NCAM1: variants seen among roughly 807,000 people sequenced by gnomAD.
NCAM1 encodes neural cell adhesion molecule 1.
In NCAM1, 14 loss-of-function variants were observed where a neutral mutation model predicts 109.8. That is an observed-to-expected ratio of 0.13 (90% CI 0.08 to 0.20). The LOEUF is 0.20. Ranked by LOEUF, NCAM1 falls within the 10% of genes least tolerant of loss-of-function variation. NCAM1 has a pLI of 1.00. For missense variants in NCAM1, 774 were observed against 1,109.9 expected (o/e 0.70, Z 4.30); for synonymous variants, 418 against 442.9 (o/e 0.94, Z 0.70).
chr11:113,061,215 A>G (rs1157907625), intron 1 of NCAM1, among the ~76,000 whole-genome samples: 1 of 152,112 alleles, frequency 6.6e-6, no homozygotes, highest in African/African-American at 2.4e-5. Flanking sequence ...AATATCCTCT[A>G]TATTGTTGCA....
intron 1 of NCAM1, among the ~76,000 whole-genome samples, chr11:113,134,787 A>G (rs995974796): frequency 3.9e-5 from 6 of 152,204 alleles, no homozygotes; most frequent in Admixed American, 6.5e-5. Flanking sequence ...CGTAATGTGT[A>G]TCATTTCATG....
At chr11:113,100,222 T>G (rs556950343) in intron 1 of NCAM1, among the ~76,000 whole-genome samples, 1 of 152,124 alleles carries the variant, frequency 6.6e-6, no homozygotes, top group Non-Finnish European at 1.5e-5. Flanking sequence ...GGGTGTGGCT[T>G]GCTTACAAGG....
chr11:113,262,944 T>C (rs1555123686), intron 17 of NCAM1: 1 of 1,610,508 alleles, frequency 6.2e-7, no homozygotes, highest in Non-Finnish European at 8.5e-7. Flanking sequence ...ACACAAAAAT[T>C]AAATTTGCTT....
chr11:113,140,593 T>C (rs1199071603), intron 1 of NCAM1, among the ~76,000 whole-genome samples: 3 of 152,244 alleles, frequency 2.0e-5, no homozygotes, highest in Non-Finnish European at 4.4e-5. Flanking sequence ...TGTACTTGTA[T>C]ATTGGATTTT....
chr11:113,168,810 G>A (rs577156179), intron 1 of NCAM1, among the ~76,000 whole-genome samples: 27 of 152,226 alleles, frequency 1.8e-4, no homozygotes, highest in Middle Eastern at 3.4e-3. Flanking sequence ...TTTAATCAAT[G>A]GGAAATGTTT....
At chr11:113,255,588 G>A (rs954313756) in intron 15 of NCAM1, among the ~76,000 whole-genome samples, 1 of 105,898 alleles carries the variant, frequency 9.4e-6, no homozygotes, top group Non-Finnish European at 1.8e-5. Flanking sequence ...AAGTACCAGT[G>A]AGACAGGGGA....
chr11:112,969,346 A>G (rs1438755442), intron 1 of NCAM1, among the ~76,000 whole-genome samples: 3 of 152,176 alleles, frequency 2.0e-5, no homozygotes, highest in Non-Finnish European at 2.9e-5. Flanking sequence ...TGGAGCTGGG[A>G]CTGCAACTTA....
intron 1 of NCAM1, among the ~76,000 whole-genome samples, chr11:113,004,771 T>C (rs1951851748): frequency 6.6e-6 from 1 of 152,038 alleles, no homozygotes; most frequent in Admixed American, 6.6e-5. Flanking sequence ...ATTTTTGCAG[T>C]CTGAAACCCC....
chr11:113,005,809 G>A (rs1348814008), intron 1 of NCAM1, among the ~76,000 whole-genome samples: 1 of 152,286 alleles, frequency 6.6e-6, no homozygotes, highest in East Asian at 1.9e-4. Context: ...GAAAATAGAA[G>A]TTAAGAATGT....
chr11:113,058,021 A>G (rs567362579), intron 1 of NCAM1, among the ~76,000 whole-genome samples: 1 of 152,290 alleles, frequency 6.6e-6, no homozygotes, highest in East Asian at 1.9e-4. Context: ...TTGGTGGCTC[A>G]CACCTGTAAT....
At chr11:113,165,632 AC>A (rs1208243742) in intron 1 of NCAM1, among the ~76,000 whole-genome samples, 3 of 152,022 alleles carry the variant, frequency 2.0e-5, no homozygotes, top group East Asian at 3.9e-4. Context: ...GTTTTCCTGC[AC>A]CCTTACGACC....
intron 1 of NCAM1, among the ~76,000 whole-genome samples, chr11:113,094,573 AG>A (rs1555089984): frequency 6.6e-6 from 1 of 152,112 alleles, no homozygotes; most frequent in African/African-American, 2.4e-5. Context: ...CTCTGGCAAA[AG>A]GCTTATTGAG....
chr11:112,964,141 T>G (rs201259483), intron 1 of NCAM1, among the ~76,000 whole-genome samples: 16 of 20,866 alleles, frequency 7.7e-4, no homozygotes, highest in African/African-American at 3.1e-3. Flanking sequence ...TTTTTTTTTG[T>G]TTTTTTTTTT....
At chr11:113,260,499 T>C in intron 17 of NCAM1, 176 bp downstream of exon 17, 1 of 642,416 alleles carries the variant, frequency 1.6e-6, no homozygotes, top group Non-Finnish European at 2.5e-6. Context: ...GGGTGAGATG[T>C]ACTGGACCCC....
chr11:113,262,540 G>C (rs577929877), intron 17 of NCAM1, among the ~76,000 whole-genome samples: 1 of 152,320 alleles, frequency 6.6e-6, no homozygotes, highest in Admixed American at 6.5e-5. Context: ...TTCTGGCATT[G>C]CTGAGCTTCT....
At chr11:113,130,077 A>C (rs901813777) in intron 1 of NCAM1, among the ~76,000 whole-genome samples, 1 of 152,222 alleles carries the variant, frequency 6.6e-6, no homozygotes, top group African/African-American at 2.4e-5. Context: ...AGATGGCCAC[A>C]TAGAAGACAG....
rs2137836281 is a variant in NCAM1 at position 113,277,927 on chromosome 11, T to TTATC, written c.*2542_*2545dup. 1.3e-5 allele frequency: 2 copies of TTATC among 151,308 alleles called. No homozygotes were observed. Among genetic ancestry groups the TTATC allele is most frequent in the East Asian group, 3.8e-4 (2 of 5,222 alleles). The allele number at this position is 151,308 out of a possible 1,614,324, so 9.4% of individuals were successfully genotyped here. A position where few individuals can be genotyped will look rare whatever the true frequency, so the allele number is the denominator to read the frequency against. On this transcript the variant is annotated 3_prime_UTR_variant, in exon 20 of 20. Coordinates refer to ENST00000316851, the MANE Select transcript of NCAM1 (RefSeq NM_181351.5). ...GGGAGTCATTTTATTCCAAGATGTT[T>TTATC]TATCTTTTATGTTAAGAGATCAAAG... is the stretch of plus-strand genomic sequence containing the variant.
Position 113,231,909 on chromosome 11 carries a change from C to T in NCAM1, c.1240+114C>T. The T allele has an allele frequency of 6.5e-6, 9 of 1,375,978 alleles. No homozygotes were observed. In the South Asian group the frequency reaches 1.2e-4, roughly 18 times the overall value. The allele number at this position is 1,375,978 out of a possible 1,614,324, so 85.2% of individuals were successfully genotyped here. On this transcript the variant is annotated intron_variant, in intron 10 of 19. Transcript: ENST00000316851. ...CACCCTGTGTGTTCTGCTTACGTTC[C>T]CTGCAGCTGACCCTGGGCTATTTCA...
At chr11:113,118,929 A>G (rs578015862) in intron 1 of NCAM1, among the ~76,000 whole-genome samples, 1 of 152,184 alleles carries the variant, frequency 6.6e-6, no homozygotes, top group African/African-American at 2.4e-5. Flanking sequence ...ACAAAAATCA[A>G]TTGTGTTTAA....
Sources: gnomAD v4.1 joint callset for allele counts (sites outside exome capture counted in the v4.1 genomes callset) on GRCh38, gnomAD v4.1.1 for gene constraint, MANE v1.5 for transcripts, NCBI Gene and HGNC (gene_info 2026-07-23, HGNC 2026-07-21) for gene names.